LEPR: variants seen among roughly 807,000 people sequenced by gnomAD.
LEPR encodes OB receptor.
A neutral mutation model predicts 114.7 loss-of-function variants in LEPR; 56 were observed. The observed-to-expected ratio is 0.49, with a 90% CI of 0.39 to 0.61. LEPR has a LOEUF of 0.61. Ranked by LOEUF, LEPR falls within the 20% of genes least tolerant of loss-of-function variation. The pLI is 0.00. For synonymous variants in LEPR, 443 were observed against 461.4 expected, an observed-to-expected ratio of 0.96 and a Z score of 0.51; for missense variants, 1,202 against 1,352.9, an observed-to-expected ratio of 0.89 and a Z score of 1.75.
chr1:65,424,143 C>T (rs1646310594), intron 1 of LEPR, among the ~76,000 whole-genome samples: 2 of 151,326 alleles, frequency 1.3e-5, no homozygotes, highest in African/African-American at 4.9e-5. Context: ...TACTCTGTTT[C>T]TCACTCAGCA....
intron 2 of LEPR, among the ~76,000 whole-genome samples, chr1:65,498,404 C>T (rs1462400975): frequency 1.3e-5 from 2 of 152,046 alleles, no homozygotes; most frequent in African/African-American, 4.8e-5. Flanking sequence ...AGCCACTTCC[C>T]TCACCTGAAA....
intron 2 of LEPR, among the ~76,000 whole-genome samples, chr1:65,488,184 CTT>C (rs1491144258): frequency 1.7e-4 from 3 of 17,940 alleles, no homozygotes; most frequent in Admixed American, 6.4e-4. Context: ...TTCTTTCTTT[CTT>C]TCTTTCTTTC....
At chr1:65,429,913 C>G in intron 2 of LEPR, 1 of 1,546,786 alleles carries the variant, frequency 6.5e-7, no homozygotes, top group Non-Finnish European at 8.8e-7. Context: ...CCCCCATCCC[C>G]CATTTCATTG....
chr1:65,637,039 T>C lies in LEPR; in HGVS notation c.*24T>C, dbSNP rs1486756158. The stretch of plus-strand genomic sequence containing the variant: ...AATTTCACTGAAGAAACCTTCAGAT[T>C]TGTGTTATAATGGGTAATATAAAGT... On this transcript the variant is annotated 3_prime_UTR_variant, in exon 20 of 20. Transcript: ENST00000349533. The C allele has an allele frequency of 1.9e-6, 3 of 1,607,252 alleles. No individual in the cohort carries two copies. The South Asian group carries it at 3.3e-5, about 18-fold the overall frequency.
chr1:65,515,371 G>C lies in LEPR; in HGVS notation c.-20-50175G>C, dbSNP rs375865229. On this transcript the variant is annotated intron_variant, in intron 2 of 19. Transcript: ENST00000349533. ...TGAGCAAGTCCGTAAAATGGTCAAG[G>C]CTGTACCTTAAGAATATCTCATGGA... is the stretch of plus-strand genomic sequence containing the variant. Among the ~76,000 whole-genome samples, 25 of 152,270 alleles carry C rather than the reference G, an allele frequency of 1.6e-4. No individual in the cohort carries two copies. In the East Asian group the frequency reaches 4.6e-3, roughly 28 times the overall value.
intron 2 of LEPR, among the ~76,000 whole-genome samples, chr1:65,530,567 G>A (rs531439952): frequency 6.6e-6 from 1 of 152,296 alleles, no homozygotes; most frequent in African/African-American, 2.4e-5. Context: ...ACCATATTGG[G>A]TAACTTCCTG....
At chr1:65,576,975 G>C in intron 5 of LEPR, 1 of 317,820 alleles carries the variant, frequency 3.1e-6, no homozygotes, top group Non-Finnish European at 6.2e-6. Context: ...AGCCATTATC[G>C]GTGACTTTGT....
intron 19 of LEPR, chr1:65,626,150 G>A: frequency 6.2e-7 from 1 of 1,612,210 alleles, no homozygotes; most frequent in Non-Finnish European, 8.5e-7. Context: ...GGAACTACTG[G>A]GTGGAGGTTG....
intron 2 of LEPR, chr1:65,432,499 C>T: frequency 2.4e-5 from 15 of 625,784 alleles, no homozygotes; most frequent in Non-Finnish European, 3.0e-5. Flanking sequence ...AAACATCACA[C>T]CCAACTTCCT....
At chr1:65,530,408 A>G (rs2100615765) in intron 2 of LEPR, among the ~76,000 whole-genome samples, 1 of 152,330 alleles carries the variant, frequency 6.6e-6, no homozygotes, top group African/African-American at 2.4e-5. Context: ...GGTAGAGTAA[A>G]GTGAAAACAA....
At chr1:65,583,445 C>A (rs12038998) in intron 5 of LEPR, among the ~76,000 whole-genome samples, 46,520 of 151,904 alleles carry the variant, frequency 0.31, 8,000 homozygotes, top group East Asian at 0.83. Context: ...TTCCCACAAA[C>A]GAGATTGGAG....
intron 2 of LEPR, among the ~76,000 whole-genome samples, chr1:65,483,633 C>T (rs941040391): frequency 6.6e-6 from 1 of 152,152 alleles, no homozygotes; most frequent in Non-Finnish European, 1.5e-5. Context: ...TCCCTTGCTT[C>T]TCTAATCTCA....
At chr1:65,581,626 T>C (rs1654996669) in intron 5 of LEPR, among the ~76,000 whole-genome samples, 1 of 152,176 alleles carries the variant, frequency 6.6e-6, no homozygotes, top group African/African-American at 2.4e-5. Flanking sequence ...TTCTCTGTCT[T>C]CTCTTTGATC....
chr1:65,610,147 G>A, intron 13 of LEPR, 41 bp downstream of exon 13: 2 of 1,614,118 alleles, frequency 1.2e-6, no homozygotes, highest in South Asian at 2.2e-5. Flanking sequence ...AAGTGCATAA[G>A]TGTGTGCTTC....
chr1:65,432,085 T>G lies in LEPR; in HGVS notation c.-21+6707T>G, dbSNP rs1465528288. On this transcript the variant is annotated intron_variant, in intron 2 of 19. Coordinates refer to ENST00000349533, the MANE Select transcript of LEPR (RefSeq NM_002303.6). ...CTTCATAAGTAGGAGATGAGTTTTA[T>G]TCTCAGCAAATAGACCTGTCAAATT... is the stretch of plus-strand genomic sequence containing the variant. 10 of 1,336,894 alleles carry G rather than the reference T, an allele frequency of 7.5e-6. No individual in the cohort carries two copies. In the African/African-American group the frequency reaches 1.4e-4, roughly 18 times the overall value. 82.8% of individuals were successfully genotyped at this position (1,336,894 alleles called of 1,614,324 possible).
intron 2 of LEPR, among the ~76,000 whole-genome samples, chr1:65,468,889 G>A (rs1324677733): frequency 6.6e-6 from 1 of 152,208 alleles, no homozygotes; most frequent in Admixed American, 6.5e-5. Context: ...CTTAATAGGA[G>A]ACACAAGCCT....
At chr1:65,514,543 T>A (rs1437629574) in intron 2 of LEPR, among the ~76,000 whole-genome samples, 1 of 152,248 alleles carries the variant, frequency 6.6e-6, no homozygotes, top group Non-Finnish European at 1.5e-5. Context: ...CATTATTCCA[T>A]AATCTGAAGA....
intron 2 of LEPR, among the ~76,000 whole-genome samples, chr1:65,452,475 G>T (rs1416450296): frequency 6.6e-6 from 1 of 151,770 alleles, no homozygotes. Flanking sequence ...TTTATTGAGA[G>T]TTTTTAGCAT....
At chr1:65,438,503 T>C (rs1031048452) in intron 2 of LEPR, among the ~76,000 whole-genome samples, 10 of 140,776 alleles carry the variant, frequency 7.1e-5, no homozygotes, top group African/African-American at 1.4e-4. Flanking sequence ...TGAGCCAAGA[T>C]TGCACCACTG....
Sources: gnomAD v4.1 joint callset for allele counts (sites outside exome capture counted in the v4.1 genomes callset) on GRCh38, gnomAD v4.1.1 for gene constraint, MANE v1.5 for transcripts, NCBI Gene and HGNC (gene_info 2026-07-23, HGNC 2026-07-21) for gene names.